The following TM4SF4 variants were observed in gnomAD, a reference collection of about 807,000 sequenced individuals.
The protein encoded by TM4SF4 is transmembrane 4 L6 family member 4.
Under a neutral mutation model 24.1 loss-of-function variants are expected in TM4SF4, and 24 were observed. The observed-to-expected ratio is 1.00, with a 90% CI of 0.72 to 1.40. The LOEUF is 1.40. Ranked by LOEUF, TM4SF4 falls within the 40% of genes most tolerant of loss-of-function variation. TM4SF4 has a pLI of 0.00. For synonymous variants in TM4SF4, 113 were observed against 97.0 expected (o/e 1.17, Z -0.97); for missense variants, 254 against 254.2 (o/e 1.00, Z 0.01).
intron 4 of TM4SF4, among the ~76,000 whole-genome samples, chr3:149,501,884 T>C (rs1015023248): frequency 6.6e-6 from 1 of 152,202 alleles, no homozygotes; most frequent in African/African-American, 2.4e-5. Context: ...GAATGTGCCT[T>C]AAAATACATG....
intron 3 of TM4SF4, among the ~76,000 whole-genome samples, chr3:149,488,648 G>A (rs184712877): frequency 6.6e-6 from 1 of 152,288 alleles, no homozygotes; most frequent in East Asian, 1.9e-4. Flanking sequence ...GCCATATAGG[G>A]TTTGTAGCTA....
At position 149,474,915 on chromosome 3, in the gene TM4SF4, C is replaced by T. The variant is rs1471609239; in HGVS notation, c.38C>T (p.Thr13Ile). ...TGGCARCLGG[T>I]LIPLAFFGFL... The stretch of plus-strand genomic sequence containing the variant: ...GGCTGTGCCAGATGCCTGGGGGGGA[C>T]CCTCATTCCCCTTGCTTTTTTTGGC... The change falls in exon 1 of 5, where the codon ACC (threonine) becomes ATC (isoleucine). Residue 13 changes from threonine (T) to isoleucine (I), a missense_variant. Transcript: ENST00000305354. 2 of 1,613,712 alleles carry T rather than the reference C, an allele frequency of 1.2e-6. No homozygotes were observed. The highest frequency in any genetic ancestry group is 8.5e-7 in the Non-Finnish European group (1 of 1,179,828).
chr3:149,491,766 G>A lies in TM4SF4; in HGVS notation c.401+4011G>A, dbSNP rs1400804643. ...AAGGAGTGCGGGGGGAAACTTCTTC[G>A]AGAAGGTGACATGGGCTGATTTTGG... On this transcript the variant is annotated intron_variant, in intron 3 of 4. Coordinates refer to ENST00000305354, the MANE Select transcript of TM4SF4 (RefSeq NM_004617.4). Among the ~76,000 whole-genome samples, 7 of 152,218 alleles carry A rather than the reference G, an allele frequency of 4.6e-5. No individual in the cohort carries two copies. The South Asian group carries it at 1.0e-3, about 23-fold the overall frequency.
rs185940496 is a variant in TM4SF4 at position 149,489,420 on chromosome 3, T to C, written c.401+1665T>C. ...TACTACCCTAGGAATTTAAAGTCAA[T>C]TGAAATAAATCTATGTCCAAAACAA... On this transcript the variant is annotated intron_variant, in intron 3 of 4. Transcript: ENST00000305354. 2.0e-3 allele frequency among the ~76,000 whole-genome samples: 305 copies of C among 152,332 alleles called. 1 individual carries two copies. Among genetic ancestry groups the C allele is most frequent in the Middle Eastern group, 0.014 (4 of 294 alleles).
chr3:149,495,358 C>A, intron 3 of TM4SF4: 1 of 308,566 alleles, frequency 3.2e-6, no homozygotes, highest in South Asian at 3.3e-5. Context: ...ACCACCAACT[C>A]ATCCAACCGA....
At chr3:149,482,844 T>C (rs1734058928) in intron 2 of TM4SF4, among the ~76,000 whole-genome samples, 1 of 152,192 alleles carries the variant, frequency 6.6e-6, no homozygotes, top group Admixed American at 6.5e-5. Flanking sequence ...AAGCCCGGCC[T>C]TTCTTTCTTT....
chr3:149,498,639 G>A (rs1180194260), intron 3 of TM4SF4, 83 bp from the exon 4 acceptor site: 1 of 1,297,662 alleles, frequency 7.7e-7, no homozygotes, highest in African/African-American at 1.5e-5. Flanking sequence ...TAGTGCATGA[G>A]AAACATTGTT....
chr3:149,482,876 C>T (rs990232049), intron 2 of TM4SF4, among the ~76,000 whole-genome samples: 1 of 152,160 alleles, frequency 6.6e-6, no homozygotes, highest in Admixed American at 6.5e-5. Flanking sequence ...GTCATGAAAC[C>T]CATGATAAAT....
intron 3 of TM4SF4, among the ~76,000 whole-genome samples, chr3:149,489,753 A>G (rs1354496984): frequency 6.6e-6 from 1 of 152,204 alleles, no homozygotes; most frequent in East Asian, 1.9e-4. Context: ...ATGCTTTCAA[A>G]TATGTTATTT....
intron 3 of TM4SF4, among the ~76,000 whole-genome samples, chr3:149,497,977 T>C (rs1172415732): frequency 6.6e-6 from 1 of 152,216 alleles, no homozygotes. Context: ...AAACTCTTTA[T>C]ATAATAAAAT....
intron 3 of TM4SF4, among the ~76,000 whole-genome samples, chr3:149,498,324 C>G (rs60371475): frequency 6.6e-6 from 1 of 152,234 alleles, no homozygotes; most frequent in Non-Finnish European, 1.5e-5. Context: ...TGGAGTGTCT[C>G]TATTTTCCTG....
intron 3 of TM4SF4, among the ~76,000 whole-genome samples, chr3:149,489,257 T>C (rs1482890588): frequency 6.6e-6 from 1 of 152,196 alleles, no homozygotes; most frequent in Non-Finnish European, 1.5e-5. Context: ...GCTCTTCCCC[T>C]GACAGCTCAC....
At chr3:149,485,005 G>A (rs950671349) in intron 2 of TM4SF4, among the ~76,000 whole-genome samples, 1 of 152,162 alleles carries the variant, frequency 6.6e-6, no homozygotes, top group Admixed American at 6.5e-5. Context: ...CAATGATTGA[G>A]TTGTTTCTGA....
chr3:149,494,341 G>C (rs541572825), intron 3 of TM4SF4, among the ~76,000 whole-genome samples: 1 of 152,292 alleles, frequency 6.6e-6, no homozygotes, highest in South Asian at 2.1e-4. Flanking sequence ...TACGTTCGCC[G>C]TAAACGTTTC....
intron 2 of TM4SF4, among the ~76,000 whole-genome samples, chr3:149,480,757 GA>G (rs531434248): frequency 0.014 from 2,116 of 150,090 alleles, 47 homozygotes; most frequent in African/African-American, 0.048. Context: ...TATATTGAAA[GA>G]AAAAAAAATA....
intron 2 of TM4SF4, 66 bp downstream of exon 2, chr3:149,475,978 G>C (rs1733922128): frequency 7.3e-7 from 1 of 1,376,154 alleles, no homozygotes; most frequent in Non-Finnish European, 1.0e-6. Flanking sequence ...GTGCTGGGCA[G>C]CATGGGGATG....
intron 2 of TM4SF4, among the ~76,000 whole-genome samples, chr3:149,476,792 GTTTTTTTTTGTTTTTGTTTTTGT>G (rs1560028115): frequency 2.9e-5 from 3 of 102,852 alleles, no homozygotes; most frequent in Non-Finnish European, 4.5e-5. Context: ...TTTCTTTTCT[GTTTTTTTTTGTTTTTGTTTTTGT>G]TTTTTTTTTT....
intron 2 of TM4SF4, among the ~76,000 whole-genome samples, chr3:149,484,292 G>A (rs1455405871): frequency 6.6e-6 from 1 of 152,184 alleles, no homozygotes; most frequent in African/African-American, 2.4e-5. Context: ...CAAAGACAAT[G>A]TCCAAACATT....
chr3:149,487,779 C>T (rs1162380403), intron 3 of TM4SF4, 24 bp downstream of exon 3: 30 of 1,611,832 alleles, frequency 1.9e-5, no homozygotes, highest in Non-Finnish European at 2.3e-5. Flanking sequence ...CTGCAATGCC[C>T]ACCTGTCACC....
Sources: allele counts gnomAD v4.1 joint callset (sites outside exome capture counted in the v4.1 genomes callset), GRCh38; gene constraint gnomAD v4.1.1; transcripts MANE v1.5; gene names NCBI Gene and HGNC (gene_info 2026-07-23, HGNC 2026-07-21).